The following SELE variants were observed in gnomAD, a reference collection of about 807,000 sequenced individuals.
SELE encodes the protein selectin E.
A neutral mutation model predicts 75.8 loss-of-function variants in SELE; 52 were observed. The observed-to-expected ratio is 0.69, with a 90% CI of 0.55 to 0.86. SELE has a LOEUF of 0.86. Among genes scored for constraint, SELE ranks in the 40% least tolerant of loss-of-function variants. The probability of loss-of-function intolerance (pLI) is 0.00; values close to 1 mark genes in which losing one functional copy is unlikely to be tolerated. For synonymous variants in SELE, 285 were observed against 258.7 expected, an observed-to-expected ratio of 1.10 and a Z score of -0.98; for missense variants, 754 against 732.7, an observed-to-expected ratio of 1.03 and a Z score of -0.34.
chr1:169,730,496 G>T lies in SELE; in HGVS notation c.651C>A (p.Ser217Arg). 1 of 1,614,026 alleles carries T rather than the reference G, an allele frequency of 6.2e-7. No homozygotes were observed. The highest frequency in any genetic ancestry group is 8.5e-7 in the Non-Finnish European group (1 of 1,179,960). ...SISCDRGYLP[S>R]SMETMQCMSS... ...ACATACACTGCATGGTCTCCATGCTGCTTGGCAGGTAACCCCTATCACAGC... is the reference window on the plus strand; with the variant it reads ...ACATACACTGCATGGTCTCCATGCTTCTTGGCAGGTAACCCCTATCACAGC... The change falls in exon 5 of 14, where the codon AGC becomes AGA. Residue 217 changes from serine (S) to arginine (R), a missense_variant. By Grantham distance (110) the Ser-to-Arg change is moderately radical (BLOSUM62 -1). Transcript: ENST00000333360.
intron 2 of SELE, 41 bp from the exon 3 acceptor site, chr1:169,733,039 T>A (rs759104944): frequency 1.3e-6 from 2 of 1,506,048 alleles, no homozygotes; most frequent in Non-Finnish European, 1.8e-6. Context: ...AGTTTGGTAC[T>A]GTTGTGGTTT....
chr1:169,727,705 C>T (rs1285867645), intron 9 of SELE, 34 bp downstream of exon 9: 1 of 1,603,828 alleles, frequency 6.2e-7, no homozygotes, highest in East Asian at 2.2e-5. Context: ...AAGTATTTGA[C>T]CTGTACCCTA....
intron 5 of SELE, 97 bp downstream of exon 5, chr1:169,730,335 A>T: frequency 8.8e-7 from 1 of 1,142,136 alleles, no homozygotes; most frequent in South Asian, 2.0e-5. Context: ...CAAAAAAAAA[A>T]CTTTCCCTGA....
chr1:169,723,626 G>A lies in SELE; in HGVS notation c.*899C>T, dbSNP rs1648680480. ...TCTACCATGTTTTCAAAAAACAACT[G>A]TAGTAAAAACACTCAGAACTTTATT... On this transcript the variant is annotated 3_prime_UTR_variant, in exon 14 of 14. Transcript: ENST00000333360. The A allele has an allele frequency of 6.6e-6, 1 of 152,202 alleles. No individual in the cohort carries two copies. Among genetic ancestry groups the A allele is most frequent in the South Asian group, 2.1e-4 (1 of 4,838 alleles). 9.4% of individuals were successfully genotyped at this position (152,202 alleles called of 1,614,324 possible). A position where few individuals can be genotyped will look rare whatever the true frequency, so the allele number is the denominator to read the frequency against.
intron 4 of SELE, 126 bp from the exon 5 acceptor site, chr1:169,730,743 A>C (rs1363197891): frequency 3.8e-6 from 2 of 519,558 alleles, no homozygotes; most frequent in African/African-American, 3.9e-5. Flanking sequence ...TTCTAATGGA[A>C]TTTGTAAAAT....
rs751939559 is a variant in SELE at position 169,727,344 on chromosome 1, A to G, written c.1645+5T>C. Reference sequence around the variant, plus strand: ...CCAGACAACCACCATCAATCAATGCATCACCTTCACAGGTAGGTAGCAGGC... The same window carrying G: ...CCAGACAACCACCATCAATCAATGCGTCACCTTCACAGGTAGGTAGCAGGC... On this transcript the variant is annotated splice_donor_5th_base_variant and intron_variant, in intron 10 of 13. Transcript: ENST00000333360. 1 of 1,608,568 alleles carries G rather than the reference A, an allele frequency of 6.2e-7. No homozygotes were observed. The highest frequency in any genetic ancestry group is 8.5e-7 in the Non-Finnish European group (1 of 1,177,440).
chr1:169,729,281 T>C lies in SELE; in HGVS notation c.995A>G (p.Asn332Ser), dbSNP rs773042298. ...CATGAAGCCTTCCTCACAGGTGAAG[T>C]TGCAGGATGATTTGAAGGTGAACTC... The part of the protein sequence containing the change: ...AGEFTFKSSC[N>S]FTCEEGFMLQ... The change falls in exon 7 of 14, where the codon AAC (asparagine) becomes AGC (serine). Residue 332 changes from asparagine to serine, a missense_variant. Transcript: ENST00000333360. 5 of 1,614,118 alleles carry C rather than the reference T, an allele frequency of 3.1e-6. No homozygotes were observed. The highest frequency in any genetic ancestry group is 2.2e-5 in the South Asian group (2 of 91,074).
At position 169,724,493 on chromosome 1, in the gene SELE, C is replaced by T. The variant is rs758565024; in HGVS notation, c.*32G>A. The T allele has an allele frequency of 3.3e-5, 5 of 152,184 alleles. No homozygotes were observed. Among genetic ancestry groups the T allele is most frequent in the Non-Finnish European group, 5.9e-5 (4 of 68,044 alleles). 9.4% of individuals were successfully genotyped at this position (152,184 alleles called of 1,614,324 possible). On this transcript the variant is annotated 3_prime_UTR_variant, in exon 14 of 14. Transcript: ENST00000333360. Reference sequence around the variant, plus strand: ...TAACTTCAGTGTATCCCTCTAGTTCCCCAGATGCACCTGTTTCTGTAAATA... The same window carrying T: ...TAACTTCAGTGTATCCCTCTAGTTCTCCAGATGCACCTGTTTCTGTAAATA...
At chr1:169,729,085 G>T in intron 7 of SELE, 101 bp downstream of exon 7, 3 of 1,062,412 alleles carry the variant, frequency 2.8e-6, no homozygotes, top group Middle Eastern at 2.7e-4. Flanking sequence ...CATCAAATCT[G>T]ATTTCTATAG....
chr1:169,727,813 A>G lies in SELE; in HGVS notation c.1394T>C (p.Phe465Ser). 6.2e-7 allele frequency: 1 copy of G among 1,614,174 alleles called. No individual in the cohort carries two copies. Among genetic ancestry groups the G allele is most frequent in the East Asian group, 2.2e-5 (1 of 44,882 alleles). Reference sequence around the variant, plus strand: ...AAGTTGAGTTGATCCATGTAATTCAAATCCCTCCTCACAGCTGAAGGCACA... The same window carrying G: ...AAGTTGAGTTGATCCATGTAATTCAGATCCCTCCTCACAGCTGAAGGCACA... ...SSCAFSCEEG[F>S]ELHGSTQLEC... Residue 465 changes from phenylalanine (F) to serine (S), a missense_variant, in exon 9 of 14, where the codon TTT (phenylalanine) becomes TCT (serine). Physicochemically the swap from Phe to Ser is radical, Grantham distance 155. Coordinates refer to ENST00000333360, the MANE Select transcript of SELE (RefSeq NM_000450.2).
At chr1:169,728,390 G>T in intron 7 of SELE, 144 bp from the exon 8 acceptor site, 1 of 766,640 alleles carries the variant, frequency 1.3e-6, no homozygotes, top group Non-Finnish European at 2.0e-6. Flanking sequence ...GAAGATGGCT[G>T]TGTTTTCTTT....
rs1258249075 is a variant in SELE, at chr1:169,725,920, A to G, written c.1762T>C (p.Phe588Leu). ...AATGCAACTTACCTGGCAGGAACAA[A>G]TTTCTTTGCTGCAAAAGAAAAGACA... ...LRKCLRKAKK[F>L]VPASSCQSLE... The change falls in exon 12 of 14, where the codon TTT becomes CTT. Residue 588 changes from phenylalanine to leucine, a missense_variant. Physicochemically the swap from Phe to Leu is conservative, Grantham distance 22 (BLOSUM62 0). Coordinates refer to ENST00000333360, the MANE Select transcript of SELE (RefSeq NM_000450.2). 6.2e-7 allele frequency: 1 copy of G among 1,614,048 alleles called. No individual in the cohort carries two copies.
At chr1:169,726,507 T>G (rs1302768575) in intron 11 of SELE, among the ~76,000 whole-genome samples, 192 bp downstream of exon 11, 1 of 152,204 alleles carries the variant, frequency 6.6e-6, no homozygotes, top group Non-Finnish European at 1.5e-5. Flanking sequence ...ACGACTAACA[T>G]TTTTATTTCC....
rs1411932283 is a variant in SELE at position 169,722,729 on chromosome 1, T to A, written c.*1796A>T. On this transcript the variant is annotated 3_prime_UTR_variant, in exon 14 of 14. Coordinates refer to ENST00000333360, the MANE Select transcript of SELE (RefSeq NM_000450.2). The stretch of plus-strand genomic sequence containing the variant: ...AAATAAATATATACTTTAAAAATTA[T>A]AAAATATTTTAAGTTATAATTTAAA... The A allele has an allele frequency of 1.3e-5, 2 of 152,150 alleles. No homozygotes were observed. The highest frequency in any genetic ancestry group is 2.9e-5 in the Non-Finnish European group (2 of 68,026). The allele number at this position is 152,150 out of a possible 1,614,324, so 9.4% of individuals were successfully genotyped here.
Position 169,728,214 on chromosome 1 carries a change from G to T in SELE, c.1123C>A (p.Arg375=). The change falls in exon 8 of 14, where the codon CGA becomes AGA. Residue 375 remains arginine (R), a synonymous_variant. Coordinates refer to ENST00000333360, the MANE Select transcript of SELE (RefSeq NM_000450.2). ...CTAGGAAGACAATTCATGTAGCCTCGCTCGGGGTTGGACAAGGCTGTGCAC... is the reference window on the plus strand; with the variant it reads ...CTAGGAAGACAATTCATGTAGCCTCTCTCGGGGTTGGACAAGGCTGTGCAC... ...FQCTALSNPE[R]GYMNCLPSAS... is the part of the protein sequence containing the mutation. 2 of 1,614,022 alleles carry T rather than the reference G, an allele frequency of 1.2e-6. No homozygotes were observed. The highest frequency in any genetic ancestry group is 1.7e-6 in the Non-Finnish European group (2 of 1,179,972).
Position 169,731,749 on chromosome 1 carries a change from G to A in SELE, c.529+86C>T. On this transcript the variant is annotated intron_variant, in intron 4 of 13. Transcript: ENST00000333360. ...ACACCATCTGCACCAGGGAAGGGAAGGCATGCAGACCTGACTCTAATGCCA... is the reference window on the plus strand; with the variant it reads ...ACACCATCTGCACCAGGGAAGGGAAAGCATGCAGACCTGACTCTAATGCCA... 3 of 828,664 alleles carry A rather than the reference G, an allele frequency of 3.6e-6. No individual in the cohort carries two copies. In the South Asian group the frequency reaches 4.5e-5, roughly 12 times the overall value. The allele number at this position is 828,664 out of a possible 1,614,324, so 51.3% of individuals were successfully genotyped here. A position where few individuals can be genotyped will look rare whatever the true frequency, so the allele number is the denominator to read the frequency against.
chr1:169,730,606 T>C lies in SELE; in HGVS notation c.541A>G (p.Thr181Ala), dbSNP rs1340887469. The C allele has an allele frequency of 6.2e-7, 1 of 1,612,456 alleles. No homozygotes were observed. The highest frequency in any genetic ancestry group is 8.5e-7 in the Non-Finnish European group (1 of 1,179,234). ...GLKCEQIVNC[T>A]ALESPEHGSL... Reference sequence around the variant, plus strand: ...CCATGCTCAGGGGATTCCAGGGCTGTACAGTTCACAACTGAAAAAGAAACC... The same window carrying C: ...CCATGCTCAGGGGATTCCAGGGCTGCACAGTTCACAACTGAAAAAGAAACC... The change falls in exon 5 of 14, where the codon ACA becomes GCA. Residue 181 changes from threonine to alanine, a missense_variant. Transcript: ENST00000333360.
intron 8 of SELE, 49 bp from the exon 9 acceptor site, chr1:169,727,976 A>T (rs3917458): frequency 0.043 from 67,721 of 1,592,330 alleles, 1,701 homozygotes; most frequent in South Asian, 0.092. Context: ...ATCTCCAGCA[A>T]TACGTTTCCC....
rs967942658 is a variant in SELE, at chr1:169,723,530, G to A, written c.*995C>T. The stretch of plus-strand genomic sequence containing the variant: ...TTTGGCCTCATGGAAGTTTTTCATC[G>A]TGGAAACCACATATTTCTGAAAAAA... On this transcript the variant is annotated 3_prime_UTR_variant, in exon 14 of 14. Coordinates refer to ENST00000333360, the MANE Select transcript of SELE (RefSeq NM_000450.2). 13 of 152,022 alleles carry A rather than the reference G, an allele frequency of 8.6e-5. No homozygotes were observed. Among genetic ancestry groups the A allele is most frequent in the Non-Finnish European group, 1.5e-4 (10 of 68,018 alleles). The allele number at this position is 152,022 out of a possible 1,614,324, so 9.4% of individuals were successfully genotyped here.
Sources: gnomAD v4.1 joint callset for allele counts (sites outside exome capture counted in the v4.1 genomes callset) on GRCh38, gnomAD v4.1.1 for gene constraint, MANE v1.5 for transcripts, NCBI Gene and HGNC (gene_info 2026-07-23, HGNC 2026-07-21) for gene names.